The following HYCC1 variants were observed in gnomAD, a reference collection of about 807,000 sequenced individuals.
The protein encoded by HYCC1 is hyccin.
the HYCC1 span, chr7:22,961,334 G>C: frequency 7.2e-7 from 1 of 1,394,340 alleles, no homozygotes; most frequent in Non-Finnish European, 1.0e-6. Flanking sequence ...TATAAAATTA[G>C]ATGAATTAAA....
the HYCC1 span, among the ~76,000 whole-genome samples, chr7:22,966,222 T>C: frequency 6.6e-6 from 1 of 152,224 alleles, no homozygotes; most frequent in South Asian, 2.1e-4. Context: ...TATAGATCTA[T>C]TTTCTTCTTT....
At chr7:22,909,223 T>C in the HYCC1 span, among the ~76,000 whole-genome samples, 1 of 152,126 alleles carries the variant, frequency 6.6e-6, no homozygotes, top group Non-Finnish European at 1.5e-5. Context: ...GCTCTCCTCA[T>C]GAGAGCAAGT....
the HYCC1 span, among the ~76,000 whole-genome samples, chr7:22,913,584 C>T: frequency 6.6e-6 from 1 of 152,194 alleles, no homozygotes; most frequent in African/African-American, 2.4e-5. Context: ...TACCTTGTGA[C>T]ATTCCTTCTC....
At chr7:22,980,778 C>G in the HYCC1 span, among the ~76,000 whole-genome samples, 4 of 152,154 alleles carry the variant, frequency 2.6e-5, no homozygotes, top group African/African-American at 9.7e-5. Context: ...ACTCCTAGAA[C>G]TCCAAGGAGA....
chr7:22,945,542 T>C, the HYCC1 span: 4 of 1,397,972 alleles, frequency 2.9e-6, no homozygotes, highest in East Asian at 2.3e-5. Flanking sequence ...AGAAGCAAAG[T>C]TGTATTTCCA....
At chr7:22,924,177 CAAA>C in the HYCC1 span, among the ~76,000 whole-genome samples, 14 of 95,374 alleles carry the variant, frequency 1.5e-4, no homozygotes, top group Admixed American at 1.1e-4. Flanking sequence ...GACTCTGTAT[CAAA>C]AAAAAAAAAA....
chr7:22,965,594 T>TA, the HYCC1 span, among the ~76,000 whole-genome samples: 5,818 of 114,602 alleles, frequency 0.051, 172 homozygotes, highest in East Asian at 0.13. Context: ...ACATGGAAAC[T>TA]AAAAAAAAAA....
chr7:22,961,000 G>A, the HYCC1 span, among the ~76,000 whole-genome samples: 15 of 152,174 alleles, frequency 9.9e-5, no homozygotes, highest in East Asian at 1.3e-3. Context: ...GCGGAGAGCC[G>A]AGATCGTGCC....
the HYCC1 span, among the ~76,000 whole-genome samples, chr7:22,924,666 G>C: frequency 2.2e-4 from 34 of 152,244 alleles, no homozygotes; most frequent in Admixed American, 2.2e-3. Context: ...GGCTTGAGTA[G>C]GTAAACAAAG....
the HYCC1 span, chr7:22,947,235 T>C: frequency 9.0e-6 from 14 of 1,549,392 alleles, no homozygotes; most frequent in Admixed American, 7.9e-5. Context: ...ATCATTATTG[T>C]TGTCAGGTTG....
At chr7:22,964,190 G>A in the HYCC1 span, among the ~76,000 whole-genome samples, 1 of 151,644 alleles carries the variant, frequency 6.6e-6, no homozygotes, top group Admixed American at 6.6e-5. Flanking sequence ...TAAGAAAGAT[G>A]ATGAAGTGTT....
At chr7:23,009,267 GATT>G in the HYCC1 span, among the ~76,000 whole-genome samples, 3 of 151,962 alleles carry the variant, frequency 2.0e-5, no homozygotes, top group Non-Finnish European at 4.4e-5. Flanking sequence ...TTCCTACAAT[GATT>G]ATTATATTAG....
At chr7:22,942,462 GAA>G in the HYCC1 span, 1 of 152,254 alleles carries the variant, frequency 6.6e-6, no homozygotes, top group South Asian at 2.1e-4. Flanking sequence ...ACAGTCCCTT[GAA>G]AAGTCTATTT....
chr7:23,013,150 A>G, the HYCC1 span, among the ~76,000 whole-genome samples: 1 of 152,240 alleles, frequency 6.6e-6, no homozygotes, highest in Admixed American at 6.5e-5. Flanking sequence ...ATTTCGGGGA[A>G]GCGTACAAAC....
At chr7:22,930,387 G>GAAAAAAAAAAAAAAAAAAA in the HYCC1 span, among the ~76,000 whole-genome samples, 1 of 98,782 alleles carries the variant, frequency 1.0e-5, no homozygotes, top group Non-Finnish European at 2.2e-5. Flanking sequence ...AAAAGAAAAA[G>GAAAAAAAAAAAAAAAAAAA]AAAAAGAAAA....
chr7:22,932,113 A>G, the HYCC1 span, among the ~76,000 whole-genome samples: 5 of 152,218 alleles, frequency 3.3e-5, no homozygotes, highest in Admixed American at 6.5e-5. Context: ...TTACAAATAC[A>G]ATCAACCATC....
chr7:22,959,917 C>G, the HYCC1 span, among the ~76,000 whole-genome samples: 1 of 152,146 alleles, frequency 6.6e-6, no homozygotes, highest in African/African-American at 2.4e-5. Flanking sequence ...ACTGAGAAAT[C>G]AGAAATATTA....
the HYCC1 span, among the ~76,000 whole-genome samples, chr7:22,954,615 CTTTT>C: frequency 2.0e-5 from 3 of 151,428 alleles, no homozygotes; most frequent in South Asian, 6.2e-4. Flanking sequence ...ACTGTACTTT[CTTTT>C]TATTTCAACT....
chr7:22,963,706 T>A, the HYCC1 span, among the ~76,000 whole-genome samples: 3 of 152,104 alleles, frequency 2.0e-5, no homozygotes, highest in African/African-American at 7.2e-5. Context: ...AGACAATACA[T>A]AAACAAACAC....
Sources: allele counts gnomAD v4.1 joint callset (sites outside exome capture counted in the v4.1 genomes callset), GRCh38; gene constraint gnomAD v4.1.1; transcripts MANE v1.5; gene names NCBI Gene and HGNC (gene_info 2026-07-23, HGNC 2026-07-21).